The following BRSK2 variants were observed in gnomAD, a reference collection of about 807,000 sequenced individuals.
BRSK2 encodes serine/threonine-protein kinase BRSK2.
BRSK2 carries 19 observed loss-of-function variants against 83.3 expected under a neutral mutation model. That is an observed-to-expected ratio of 0.23 (90% CI 0.16 to 0.33). The LOEUF (loss-of-function observed/expected upper bound fraction) is 0.33, where lower values mean the gene tolerates loss of function less well. Ranked by LOEUF, BRSK2 falls within the 10% of genes least tolerant of loss-of-function variation. The pLI, the probability that BRSK2 is intolerant of heterozygous loss-of-function variation, is 1.00. For missense variants in BRSK2, 798 were observed against 1,042.3 expected (o/e 0.77, Z 3.23); for synonymous variants, 519 against 435.4 (o/e 1.19, Z -2.39).
At chr11:1,434,118 C>T (rs1195093646) in intron 1 of BRSK2, among the ~76,000 whole-genome samples, 1 of 152,254 alleles carries the variant, frequency 6.6e-6, no homozygotes, top group Non-Finnish European at 1.5e-5. Flanking sequence ...CATGTGCGTG[C>T]ACCAGGATAA....
intron 18 of BRSK2, 24 bp from the exon 19 acceptor site, chr11:1,459,165 CCCT>C (rs769961754): frequency 3.7e-6 from 6 of 1,612,570 alleles, no homozygotes; most frequent in Non-Finnish European, 5.1e-6. Flanking sequence ...CTCACTCCCT[CCCT>C]CCTCTCTCCA....
At chr11:1,442,628 A>T in intron 5 of BRSK2, 22 bp downstream of exon 5, 1 of 1,577,636 alleles carries the variant, frequency 6.3e-7, no homozygotes, top group East Asian at 2.2e-5. Flanking sequence ...TCTGCCCTGG[A>T]GAGAGGCTGG....
Position 1,443,594 on chromosome 11 carries a change from C to A in BRSK2, c.739C>A (p.Leu247Ile). The A allele has an allele frequency of 6.2e-7, 1 of 1,609,296 alleles. No individual in the cohort carries two copies. The highest frequency in any genetic ancestry group is 8.5e-7 in the Non-Finnish European group (1 of 1,178,192). Residue 247 changes from leucine to isoleucine, a missense_variant, in exon 8 of 20, where the codon CTA becomes ATA. Leu to Ile is a conservative substitution (Grantham distance 5, BLOSUM62 2). Around this residue, in one of 6 missense-constraint regions of BRSK2, gnomAD observed 145 missense variants for 225.4 expected, o/e 0.64. Coordinates refer to ENST00000528841, the MANE Select transcript of BRSK2 (RefSeq NM_001256627.2). ...TATCCCGCCCGACTGCCAGAGTCTG[C>A]TACGGGGCATGATCGAGGTGGACGC... is the stretch of plus-strand genomic sequence containing the variant. ...HFIPPDCQSL[L>I]RGMIEVDAAR...
rs1851627079 is a variant in BRSK2, at chr11:1,443,472, C to T, written c.634-17C>T. 1 of 1,579,392 alleles carries T rather than the reference C, an allele frequency of 6.3e-7. No homozygotes were observed. ...ACCTGCCCCCCCACGCTGACCCCCA[C>T]ACCCGGCCGCCCGCAGGGGGCTCTG... is the stretch of plus-strand genomic sequence containing the variant. On this transcript the variant is annotated splice_polypyrimidine_tract_variant and intron_variant, in intron 7 of 19. Transcript: ENST00000528841.
intron 18 of BRSK2, among the ~76,000 whole-genome samples, chr11:1,457,896 C>T (rs1389643915): frequency 6.6e-6 from 1 of 152,146 alleles, no homozygotes; most frequent in African/African-American, 2.4e-5. Flanking sequence ...GAGGAGTAGC[C>T]CCCTTCTCCT....
intron 1 of BRSK2, among the ~76,000 whole-genome samples, chr11:1,429,297 T>C (rs1378117074): frequency 9.2e-6 from 1 of 108,156 alleles, no homozygotes; most frequent in Non-Finnish European, 1.7e-5. Context: ...GCACTGGGCG[T>C]GTGTCCTGGG....
intron 14 of BRSK2, 106 bp from the exon 15 acceptor site, chr11:1,451,265 G>A: frequency 7.6e-7 from 1 of 1,322,480 alleles, no homozygotes; most frequent in Admixed American, 1.7e-5. Context: ...GTCCCAGTGT[G>A]TGTGGGTGGA....
intron 18 of BRSK2, chr11:1,457,148 G>A: frequency 8.8e-7 from 1 of 1,134,884 alleles, no homozygotes; most frequent in Non-Finnish European, 1.2e-6. Context: ...CCCACCCACA[G>A]GTCTCGGCCC....
At chr11:1,457,277 G>A (rs958073096) in intron 18 of BRSK2, among the ~76,000 whole-genome samples, 3 of 152,172 alleles carry the variant, frequency 2.0e-5, no homozygotes, top group Admixed American at 6.5e-5. Context: ...TAGGAGGGCC[G>A]CGGGCTGCCT....
In BRSK2 at chr11:1,438,278, GTGA is replaced by G. The variant is rs1850611805; in HGVS notation, c.187-25_187-23del. The G allele has an allele frequency of 5.0e-6, 8 of 1,609,066 alleles. No homozygotes were observed. The East Asian group carries it at 1.8e-4, about 36-fold the overall frequency. On this transcript the variant is annotated intron_variant, in intron 2 of 19. Coordinates refer to ENST00000528841, the MANE Select transcript of BRSK2 (RefSeq NM_001256627.2). This position sits in a 1 kb window ranked among gnomAD's most constrained non-coding sequence, Gnocchi z 6.4. Reference sequence around the variant, plus strand: ...CGATGCGTGCCCCAGCCCTGTGAGCGTGATGTTCTCTGGCCTCTCCCATGCAGG... The same window carrying G: ...CGATGCGTGCCCCAGCCCTGTGAGCGTGTTCTCTGGCCTCTCCCATGCAGG...
At position 1,438,213 on chromosome 11, in the gene BRSK2, G is replaced by A. The variant is rs887428567; in HGVS notation, c.187-93G>A. The A allele has an allele frequency of 2.0e-5, 24 of 1,228,310 alleles. No homozygotes were observed. The highest frequency in any genetic ancestry group is 2.4e-5 in the Non-Finnish European group (21 of 858,326). 76.1% of individuals were successfully genotyped at this position (1,228,310 alleles called of 1,614,324 possible). A position where few individuals can be genotyped will look rare whatever the true frequency, so the allele number is the denominator to read the frequency against. On this transcript the variant is annotated intron_variant, in intron 2 of 19. Transcript: ENST00000528841. This position sits in a 1 kb window ranked among gnomAD's most constrained non-coding sequence, Gnocchi z 6.4. The stretch of plus-strand genomic sequence containing the variant: ...CACAGCTGGCACCAAAGGCCCCTGC[G>A]ACCCCCACAGCTGGCACCAAAGGCA...
rs757780179 is a variant in BRSK2 at position 1,394,331 on chromosome 11, ATGGAGATGGGTCC to A, written c.91+3980_91+3992del. ...GGAGATGGGCCCCTGGAGATGGGCC[ATGGAGATGGGTCC>A]TGGAGATGGGTCCTGGAGATGGGCC... On this transcript the variant is annotated intron_variant, in intron 1 of 19. Coordinates refer to ENST00000528841, the MANE Select transcript of BRSK2 (RefSeq NM_001256627.2). 1.2e-3 allele frequency among the ~76,000 whole-genome samples: 104 copies of A among 84,014 alleles called. 1 individual carries two copies. The highest frequency in any genetic ancestry group is 1.6e-3 in the Non-Finnish European group (72 of 44,406). 55.1% of individuals were successfully genotyped at this position (84,014 alleles called of 152,430 possible).
intron 1 of BRSK2, among the ~76,000 whole-genome samples, chr11:1,421,977 G>T (rs1025459459): frequency 2.6e-5 from 4 of 152,054 alleles, no homozygotes; most frequent in Non-Finnish European, 4.4e-5. Context: ...GGTGGGGTCG[G>T]GGCAGGCTGG....
chr11:1,424,447 C>T (rs976023561), intron 1 of BRSK2, among the ~76,000 whole-genome samples: 2 of 152,216 alleles, frequency 1.3e-5, no homozygotes, highest in African/African-American at 4.8e-5. Flanking sequence ...TCCAGGCAGA[C>T]AGTGGAGGCT....
rs1365565026 is a variant in BRSK2 at position 1,390,297 on chromosome 11, G to A, written c.13G>A (p.Gly5Arg). MTST[G>R]KDGGAQHAQY... ...GGGCCCCAGAGCGATGACATCGACGGGGAAGGACGGCGGCGCGCAGCACGC... is the reference window on the plus strand; with the variant it reads ...GGGCCCCAGAGCGATGACATCGACGAGGAAGGACGGCGGCGCGCAGCACGC... The change falls in exon 1 of 20, where the codon GGG (glycine) becomes AGG (arginine). Residue 5 changes from glycine (G) to arginine (R), a missense_variant. Physicochemically the swap from Gly to Arg is moderately radical, Grantham distance 125. This residue lies in a region of BRSK2 where 33 missense variants were observed against 30.8 expected (regional missense o/e 1.07). Transcript: ENST00000528841. This position sits in a 1 kb window ranked among gnomAD's most constrained non-coding sequence, Gnocchi z 6.8. 1.9e-6 allele frequency: 2 copies of A among 1,035,226 alleles called. No homozygotes were observed. The highest frequency in any genetic ancestry group is 3.5e-5 in the African/African-American group (2 of 57,888). 64.1% of individuals were successfully genotyped at this position (1,035,226 alleles called of 1,614,324 possible).
intron 1 of BRSK2, among the ~76,000 whole-genome samples, chr11:1,435,106 G>A (rs951322791): frequency 4.6e-5 from 7 of 151,474 alleles, no homozygotes; most frequent in South Asian, 2.1e-4. Flanking sequence ...CTGCCGGGCC[G>A]TGGAGGTCTA....
In BRSK2 at chr11:1,443,629, C is replaced by T. The variant is rs1360536679; in HGVS notation, c.774C>T (p.Arg258=). The change falls in exon 8 of 20, where the codon CGC becomes CGT. Residue 258 remains arginine, a synonymous_variant. Coordinates refer to ENST00000528841, the MANE Select transcript of BRSK2 (RefSeq NM_001256627.2). ...TGATCGAGGTGGACGCCGCACGCCG[C>T]CTCACGGTGCGTGCCCTCGGAGCGG... ...RGMIEVDAAR[R]LTLEHIQKHI... is the part of the protein sequence containing the mutation. 1 of 1,599,810 alleles carries T rather than the reference C, an allele frequency of 6.3e-7. No homozygotes were observed. The highest frequency in any genetic ancestry group is 1.1e-5 in the South Asian group (1 of 90,574).
chr11:1,426,173 G>A (rs571784658), intron 1 of BRSK2, among the ~76,000 whole-genome samples: 26 of 152,316 alleles, frequency 1.7e-4, no homozygotes, highest in Admixed American at 1.3e-3. Flanking sequence ...GCAGGGCCAC[G>A]TGGCCATCAG....
chr11:1,394,717 G>A (rs1210427883), intron 1 of BRSK2, among the ~76,000 whole-genome samples: 5 of 124,004 alleles, frequency 4.0e-5, no homozygotes, highest in African/African-American at 1.6e-4. Context: ...GGTCCCTGGA[G>A]ATGGGCCATG....
Sources: gnomAD v4.1 joint callset for allele counts (sites outside exome capture counted in the v4.1 genomes callset) on GRCh38, gnomAD v4.1.1 for gene constraint, gnomAD v4.1.1 regional missense constraint, Gnocchi (gnomAD v3.1) non-coding constraint, MANE v1.5 for transcripts, NCBI Gene and HGNC (gene_info 2026-07-23, HGNC 2026-07-21) for gene names.